Variants in SMARCC1 observed in about 807,000 individuals in gnomAD.
The protein encoded by SMARCC1 is SWI/SNF complex subunit SMARCC1.
SMARCC1 carries 43 observed loss-of-function variants against 147.4 expected under a neutral mutation model. The ratio of observed to expected loss-of-function variants is 0.29; its 90% CI spans 0.23 to 0.38. The LOEUF (loss-of-function observed/expected upper bound fraction) is 0.38. Among genes scored for constraint, SMARCC1 ranks in the 10% least tolerant of loss-of-function variants. The pLI is 1.00. For synonymous variants in SMARCC1, 495 were observed against 484.4 expected (o/e 1.02, Z -0.29); for missense variants, 1,119 against 1,381.1 (o/e 0.81, Z 3.01).
At chr3:47,634,433 T>G (rs1046440441) in intron 24 of SMARCC1, among the ~76,000 whole-genome samples, 1 of 152,132 alleles carries the variant, frequency 6.6e-6, no homozygotes, top group Non-Finnish European at 1.5e-5. Context: ...GAATTAAAGA[T>G]CATGAAAAAG....
intron 13 of SMARCC1, among the ~76,000 whole-genome samples, chr3:47,687,162 T>C (rs1576411614): frequency 6.6e-6 from 1 of 152,206 alleles, no homozygotes; most frequent in African/African-American, 2.4e-5. Context: ...AAGGAATAAA[T>C]TTAAAGCATG....
chr3:47,670,548 C>A (rs1040846743), intron 19 of SMARCC1, 110 bp downstream of exon 19: 1 of 748,638 alleles, frequency 1.3e-6, no homozygotes, highest in Admixed American at 1.9e-5. Flanking sequence ...CAGGCCACTG[C>A]ACTCCAGCCT....
At chr3:47,743,580 G>A (rs1327110496) in intron 3 of SMARCC1, among the ~76,000 whole-genome samples, 1 of 151,920 alleles carries the variant, frequency 6.6e-6, no homozygotes, top group African/African-American at 2.4e-5. Context: ...TTGGGAGGCC[G>A]AGTCTGGCGG....
intron 9 of SMARCC1, among the ~76,000 whole-genome samples, chr3:47,710,307 G>C (rs2106797833): frequency 1.3e-5 from 2 of 152,244 alleles, no homozygotes; most frequent in Middle Eastern, 6.8e-3. Flanking sequence ...TACAGAGCAA[G>C]ACTCTGTCTC....
intron 10 of SMARCC1, chr3:47,701,679 T>C: frequency 2.9e-6 from 1 of 339,828 alleles, no homozygotes; most frequent in Non-Finnish European, 5.5e-6. Flanking sequence ...CCGGGCATGG[T>C]GGCAGGCGCC....
chr3:47,766,631 T>C (rs745850004), intron 2 of SMARCC1, among the ~76,000 whole-genome samples: 3 of 152,204 alleles, frequency 2.0e-5, no homozygotes, highest in African/African-American at 7.2e-5. Context: ...ACATTATGTA[T>C]GCACACGTAC....
intron 26 of SMARCC1, chr3:47,604,055 G>A (rs570541329): frequency 7.7e-5 from 35 of 456,724 alleles, no homozygotes; most frequent in African/African-American, 4.2e-4. Context: ...CAGGGCAGAG[G>A]GGCTGAAGAA....
At chr3:47,619,134 C>T (rs2032690756) in intron 25 of SMARCC1, among the ~76,000 whole-genome samples, 1 of 152,162 alleles carries the variant, frequency 6.6e-6, no homozygotes, top group African/African-American at 2.4e-5. Context: ...TCTCCCTCTC[C>T]CCATCTCCTG....
chr3:47,679,015 T>C (rs2033606491), intron 15 of SMARCC1, among the ~76,000 whole-genome samples: 1 of 151,888 alleles, frequency 6.6e-6, no homozygotes, highest in Non-Finnish European at 1.5e-5. Context: ...GAAAAGAACA[T>C]ACAAAAATGG....
At chr3:47,597,595 G>GGATT (rs1396705281) in intron 26 of SMARCC1, among the ~76,000 whole-genome samples, 1 of 152,112 alleles carries the variant, frequency 6.6e-6, no homozygotes, top group Non-Finnish European at 1.5e-5. Flanking sequence ...CAAAGTGCTG[G>GGATT]GATTACAGGC....
chr3:47,696,236 T>C (rs1018645750), intron 11 of SMARCC1, among the ~76,000 whole-genome samples: 3 of 150,400 alleles, frequency 2.0e-5, no homozygotes, highest in Non-Finnish European at 3.0e-5. Context: ...TAGCCAGGCG[T>C]GGTGGCGGGC....
intron 10 of SMARCC1, among the ~76,000 whole-genome samples, chr3:47,705,323 C>CA (rs754344034): frequency 0.28 from 28,797 of 103,320 alleles, 3,665 homozygotes; most frequent in South Asian, 0.38. Context: ...GACTCCGTCT[C>CA]AAAAAAAAAA....
chr3:47,635,688 G>A (rs2032960207), intron 23 of SMARCC1, among the ~76,000 whole-genome samples: 1 of 152,172 alleles, frequency 6.6e-6, no homozygotes, highest in South Asian at 2.1e-4. Context: ...GTGTCTGTAG[G>A]AAATCAGAAG....
chr3:47,615,964 G>C (rs569533726), intron 25 of SMARCC1, among the ~76,000 whole-genome samples: 1 of 152,132 alleles, frequency 6.6e-6, no homozygotes, highest in South Asian at 2.1e-4. Context: ...GATTACAGGC[G>C]TGAGCCACAG....
intron 21 of SMARCC1, among the ~76,000 whole-genome samples, chr3:47,640,292 G>A (rs1433005281): frequency 1.3e-5 from 2 of 151,756 alleles, no homozygotes; most frequent in East Asian, 3.9e-4. Context: ...AAATATACAA[G>A]AGAATTAATA....
chr3:47,666,998 C>CCT (rs1248685937), intron 19 of SMARCC1, among the ~76,000 whole-genome samples: 1 of 152,140 alleles, frequency 6.6e-6, no homozygotes, highest in African/African-American at 2.4e-5. Flanking sequence ...TGCTATGTTT[C>CCT]CTATTATTTA....
intron 21 of SMARCC1, among the ~76,000 whole-genome samples, chr3:47,641,681 A>G (rs1207645895): frequency 2.6e-5 from 4 of 152,256 alleles, no homozygotes; most frequent in Non-Finnish European, 4.4e-5. Context: ...AAATCTAGAT[A>G]AAGACACGTG....
intron 14 of SMARCC1, among the ~76,000 whole-genome samples, chr3:47,682,476 A>G (rs934812475): frequency 2.0e-5 from 3 of 152,146 alleles, no homozygotes; most frequent in Admixed American, 6.6e-5. Context: ...GACGGGTATC[A>G]CTATGTTTGG....
chr3:47,621,410 G>A (rs536384660), intron 25 of SMARCC1, among the ~76,000 whole-genome samples: 2 of 152,266 alleles, frequency 1.3e-5, no homozygotes, highest in South Asian at 4.1e-4. Flanking sequence ...CAAACTAGGT[G>A]CCCATCAATA....
Sources: allele counts gnomAD v4.1 joint callset (sites outside exome capture counted in the v4.1 genomes callset), GRCh38; gene constraint gnomAD v4.1.1; transcripts MANE v1.5; gene names NCBI Gene and HGNC (gene_info 2026-07-23, HGNC 2026-07-21).